The following MPPED2 variants were observed in gnomAD, a reference collection of about 807,000 sequenced individuals.
MPPED2 encodes metallophosphoesterase MPPED2.
In MPPED2, 5 loss-of-function variants were observed where a neutral mutation model predicts 33.0. The observed-to-expected ratio is 0.15, with a 90% CI of 0.08 to 0.32. The LOEUF is 0.32. Among genes scored for constraint, MPPED2 ranks in the 10% least tolerant of loss-of-function variants. The probability of loss-of-function intolerance (pLI) is 1.00; values close to 1 mark genes in which losing one functional copy is unlikely to be tolerated. For synonymous variants in MPPED2, 136 were observed against 141.9 expected, an observed-to-expected ratio of 0.96 and a Z score of 0.29; for missense variants, 275 against 372.1, an observed-to-expected ratio of 0.74 and a Z score of 2.15.
At chr11:30,419,728 G>A (rs946793224) in intron 4 of MPPED2, among the ~76,000 whole-genome samples, 3 of 152,154 alleles carry the variant, frequency 2.0e-5, no homozygotes, top group African/African-American at 7.2e-5. Flanking sequence ...AAGAGGTCAG[G>A]GTTTTCTCTC....
At chr11:30,437,415 C>A (rs185875967) in intron 4 of MPPED2, among the ~76,000 whole-genome samples, 1 of 152,142 alleles carries the variant, frequency 6.6e-6, no homozygotes, top group Admixed American at 6.5e-5. Flanking sequence ...TTAAGTGAGA[C>A]CTGAAAGCTT....
chr11:30,432,115 G>A lies in MPPED2; in HGVS notation c.537-14482C>T, dbSNP rs528649853. On this transcript the variant is annotated intron_variant, in intron 4 of 6. Transcript: ENST00000358117. Reference sequence around the variant, plus strand: ...ACCCAGGAGGCAGAGGTTTCAAGGAGCCGAGATCGCGCCACTGCCCTCCAG... The same window carrying A: ...ACCCAGGAGGCAGAGGTTTCAAGGAACCGAGATCGCGCCACTGCCCTCCAG... 3.4e-4 allele frequency among the ~76,000 whole-genome samples: 52 copies of A among 151,574 alleles called. No individual in the cohort carries two copies. In the Middle Eastern group the frequency reaches 0.01, roughly 30 times the overall value.
Position 30,495,481 on chromosome 11 carries a change from A to G in MPPED2, c.351T>C (p.Asn117=). 6.2e-7 allele frequency: 1 copy of G among 1,614,132 alleles called. No individual in the cohort carries two copies. ...ATTCCTTATCAAATGTCAGTTCATG[A>G]TTCCCAGCAATCACTATTTTATATT... ...PYEYKIVIAG[N]HELTFDKEFM... Residue 117 remains asparagine, a synonymous_variant, in exon 4 of 7, where the codon AAT becomes AAC. Coordinates refer to ENST00000358117, the MANE Select transcript of MPPED2 (RefSeq NM_001584.3).
intron 2 of MPPED2, among the ~76,000 whole-genome samples, chr11:30,579,000 TC>T (rs1957046740): frequency 1.0e-5 from 1 of 97,850 alleles, no homozygotes; most frequent in East Asian, 3.1e-4. Flanking sequence ...GATTGTCTTT[TC>T]CTTTTTTTTT....
intron 2 of MPPED2, among the ~76,000 whole-genome samples, chr11:30,567,547 A>T (rs1460516914): frequency 1.3e-5 from 2 of 152,036 alleles, no homozygotes; most frequent in African/African-American, 4.8e-5. Context: ...TCATACTCAA[A>T]CAGTTACTAA....
At chr11:30,507,286 T>C (rs1249402714) in intron 3 of MPPED2, among the ~76,000 whole-genome samples, 1 of 152,218 alleles carries the variant, frequency 6.6e-6, no homozygotes, top group Admixed American at 6.5e-5. Context: ...TGCCATCAAA[T>C]AATATTTCTG....
At chr11:30,512,728 C>T (rs1353543028) in intron 3 of MPPED2, among the ~76,000 whole-genome samples, 1 of 152,170 alleles carries the variant, frequency 6.6e-6, no homozygotes, top group African/African-American at 2.4e-5. Flanking sequence ...TGGCTGGGTG[C>T]AGTGGCTCAC....
intron 2 of MPPED2, among the ~76,000 whole-genome samples, chr11:30,540,094 T>C (rs1160072856): frequency 2.6e-5 from 4 of 152,244 alleles, no homozygotes; most frequent in Non-Finnish European, 5.9e-5. Context: ...ACCTGAAGAC[T>C]AAGTAACAAT....
chr11:30,490,940 A>G (rs1160204101), intron 4 of MPPED2, among the ~76,000 whole-genome samples: 4 of 152,182 alleles, frequency 2.6e-5, no homozygotes, highest in Non-Finnish European at 4.4e-5. Flanking sequence ...TGAATCCTTA[A>G]TATCAGGGTT....
intron 2 of MPPED2, among the ~76,000 whole-genome samples, chr11:30,538,105 T>C (rs1174246789): frequency 6.6e-6 from 1 of 152,204 alleles, no homozygotes; most frequent in Non-Finnish European, 1.5e-5. Context: ...TAGGACTGTT[T>C]GCATTTATAC....
intron 6 of MPPED2, among the ~76,000 whole-genome samples, chr11:30,390,423 C>CTAATA (rs1387482264): frequency 9.2e-5 from 14 of 152,164 alleles, no homozygotes; most frequent in African/African-American, 2.9e-4. Flanking sequence ...TGTTGACAGC[C>CTAATA]TAATAGTCTG....
intron 2 of MPPED2, among the ~76,000 whole-genome samples, chr11:30,552,067 C>A (rs78776328): frequency 0.025 from 3,800 of 152,250 alleles, 149 homozygotes; most frequent in African/African-American, 0.085. Context: ...GCATCCTACA[C>A]CCTAACTGGG....
At chr11:30,462,646 A>G (rs934366999) in intron 4 of MPPED2, among the ~76,000 whole-genome samples, 7 of 152,222 alleles carry the variant, frequency 4.6e-5, no homozygotes, top group African/African-American at 1.7e-4. Flanking sequence ...TCTCCAAGAG[A>G]AGTTTACTAA....
At chr11:30,506,267 G>T (rs1204131853) in intron 3 of MPPED2, among the ~76,000 whole-genome samples, 1 of 151,998 alleles carries the variant, frequency 6.6e-6, no homozygotes, top group African/African-American at 2.4e-5. Flanking sequence ...TCAAACTCCT[G>T]ACCTCAGCTG....
intron 4 of MPPED2, among the ~76,000 whole-genome samples, chr11:30,421,701 G>A (rs11605215): frequency 0.16 from 24,792 of 152,090 alleles, 2,488 homozygotes; most frequent in East Asian, 0.29. Context: ...CCAAAGCCTG[G>A]GTTCTTCCCT....
In MPPED2 at chr11:30,411,377, G is replaced by A; in HGVS notation, c.*91C>T. ...ACAATTTACAAAAAGAACTCACAGG[G>A]TTTGTAAATAAGTAAGAGAATGTAA... On this transcript the variant is annotated 3_prime_UTR_variant, in exon 7 of 7. Transcript: ENST00000358117. The A allele has an allele frequency of 4.2e-6, 6 of 1,443,982 alleles. No individual in the cohort carries two copies. Among genetic ancestry groups the A allele is most frequent in the Non-Finnish European group, 5.5e-6 (6 of 1,086,476 alleles). The allele number at this position is 1,443,982 out of a possible 1,614,324, so 89.4% of individuals were successfully genotyped here.
At chr11:30,386,460 AG>A (rs1947703308) in exon 7 of MPPED2, 1 of 313,034 alleles carries the variant, frequency 3.2e-6, no homozygotes, top group Admixed American at 5.0e-5. Context: ...GCTGCTTGAG[AG>A]GGTATAAGCT....
downstream of MPPED2, chr11:30,410,155 T>A (rs560629209): frequency 1.6e-5 from 16 of 985,322 alleles, no homozygotes; most frequent in Non-Finnish European, 1.8e-5. Context: ...ATGTTGCATA[T>A]GAATAAATCC....
intron 2 of MPPED2, among the ~76,000 whole-genome samples, chr11:30,566,333 T>C (rs545206812): frequency 6.6e-6 from 1 of 152,276 alleles, no homozygotes; most frequent in African/African-American, 2.4e-5. Flanking sequence ...AACCCAAATC[T>C]CTAGGGTCAC....
Sources: allele counts gnomAD v4.1 joint callset (sites outside exome capture counted in the v4.1 genomes callset), GRCh38; gene constraint gnomAD v4.1.1; transcripts MANE v1.5; gene names NCBI Gene and HGNC (gene_info 2026-07-23, HGNC 2026-07-21).